CAST: variants seen among roughly 807,000 people sequenced by gnomAD.
CAST encodes calpastatin.
A neutral mutation model predicts 119.6 loss-of-function variants in CAST; 76 were observed. That is an observed-to-expected ratio of 0.64 (90% CI 0.53 to 0.77). CAST has a LOEUF of 0.77. CAST is among the 30% of genes least tolerant of loss of function. CAST has a pLI of 0.00. For missense variants in CAST, 953 were observed against 946.5 expected (o/e 1.01, Z -0.09); for synonymous variants, 319 against 331.6 (o/e 0.96, Z 0.41).
At chr5:96,141,972 G>A in the CAST span, among the ~76,000 whole-genome samples, 1 of 152,196 alleles carries the variant, frequency 6.6e-6, no homozygotes, top group Non-Finnish European at 1.5e-5. Flanking sequence ...GGAGTTAAAT[G>A]TTTGTTATCT....
chr5:96,524,645 G>A (rs1745571097), upstream of CAST, among the ~76,000 whole-genome samples: 1 of 152,120 alleles, frequency 6.6e-6, no homozygotes, highest in Non-Finnish European at 1.5e-5. Flanking sequence ...CAGAGAGCAT[G>A]AGCAAGGGGA....
At chr5:96,194,795 A>G in the CAST span, among the ~76,000 whole-genome samples, 1 of 152,254 alleles carries the variant, frequency 6.6e-6, no homozygotes, top group Non-Finnish European at 1.5e-5. Context: ...ATAATTTGCC[A>G]TATCAGCATT....
the CAST span, among the ~76,000 whole-genome samples, chr5:96,222,748 C>G: frequency 6.6e-6 from 1 of 152,068 alleles, no homozygotes; most frequent in East Asian, 1.9e-4. Context: ...CCAGCAATCC[C>G]TCCCCTCTAA....
chr5:96,285,303 A>G, the CAST span, among the ~76,000 whole-genome samples: 1 of 152,216 alleles, frequency 6.6e-6, no homozygotes, highest in Non-Finnish European at 1.5e-5. Context: ...ACGTGTTGAT[A>G]AGTAGTGTGA....
chr5:96,686,973 C>G (rs1752155858), intron 2 of CAST, among the ~76,000 whole-genome samples: 1 of 152,130 alleles, frequency 6.6e-6, no homozygotes, highest in Non-Finnish European at 1.5e-5. Flanking sequence ...GTACATCATT[C>G]TCAAATATTG....
At chr5:96,023,911 T>C in the CAST span, among the ~76,000 whole-genome samples, 1 of 152,276 alleles carries the variant, frequency 6.6e-6, no homozygotes, top group East Asian at 1.9e-4. Flanking sequence ...CCTTGTCTTT[T>C]CTTAATAAAA....
the CAST span, among the ~76,000 whole-genome samples, chr5:95,983,298 G>T: frequency 6.6e-6 from 1 of 152,218 alleles, no homozygotes; most frequent in Non-Finnish European, 1.5e-5. Context: ...CTGAGTGGTT[G>T]TTGCAAGAGG....
chr5:96,369,563 G>C, the CAST span, among the ~76,000 whole-genome samples: 821 of 152,216 alleles, frequency 5.4e-3, 8 homozygotes, highest in African/African-American at 0.018. Context: ...GAAAGCCAAA[G>C]GTAATTCCTT....
intron 25 of CAST, chr5:96,763,275 G>A (rs778641362): frequency 2.4e-5 from 19 of 780,176 alleles, no homozygotes; most frequent in Middle Eastern, 2.2e-4. Flanking sequence ...ACCTGGCCCC[G>A]GGCAGCTCTA....
chr5:96,368,944 G>T, the CAST span, among the ~76,000 whole-genome samples: 1 of 151,988 alleles, frequency 6.6e-6, no homozygotes, highest in Non-Finnish European at 1.5e-5. Flanking sequence ...TATTGCTGTT[G>T]CATGAAACCT....
intron 12 of CAST, among the ~76,000 whole-genome samples, chr5:96,740,367 T>C (rs1192123509): frequency 1.3e-5 from 2 of 152,176 alleles, no homozygotes; most frequent in Non-Finnish European, 2.9e-5. Context: ...GTGTCAGCAG[T>C]GCTGGTTCCT....
At chr5:96,411,081 T>C in the CAST span, 1 of 898,716 alleles carries the variant, frequency 1.1e-6, no homozygotes, top group South Asian at 1.3e-5. Context: ...TGTGTGAAAT[T>C]CTCAGAGACA....
intron 1 of CAST, among the ~76,000 whole-genome samples, chr5:96,599,311 G>A (rs1056537984): frequency 2.0e-5 from 3 of 152,178 alleles, no homozygotes; most frequent in Admixed American, 1.3e-4. Context: ...CTTATTCACT[G>A]TTGGTCCCCA....
chr5:96,147,840 T>C, the CAST span, among the ~76,000 whole-genome samples: 1 of 152,210 alleles, frequency 6.6e-6, no homozygotes, highest in Non-Finnish European at 1.5e-5. Flanking sequence ...CAGGACATTA[T>C]CAGCACTTTA....
At chr5:96,553,104 C>A (rs553447701) in intron 1 of CAST, among the ~76,000 whole-genome samples, 8 of 151,536 alleles carry the variant, frequency 5.3e-5, no homozygotes, top group East Asian at 1.9e-4. Flanking sequence ...AGAGACACAA[C>A]AAAAAAAAGA....
the CAST span, among the ~76,000 whole-genome samples, chr5:96,234,711 C>T: frequency 6.6e-6 from 1 of 152,044 alleles, no homozygotes; most frequent in Non-Finnish European, 1.5e-5. Flanking sequence ...TCTCTTTTTC[C>T]AGTAAAATAA....
the CAST span, among the ~76,000 whole-genome samples, chr5:96,221,895 G>T: frequency 6.6e-6 from 1 of 152,002 alleles, no homozygotes; most frequent in Non-Finnish European, 1.5e-5. Context: ...GCATCGTATT[G>T]GTATAAAAAT....
chr5:96,745,956 C>T (rs148255866), intron 16 of CAST, among the ~76,000 whole-genome samples: 62 of 152,332 alleles, frequency 4.1e-4, no homozygotes, highest in African/African-American at 1.4e-3. Flanking sequence ...ACTGTGCTTA[C>T]TGTCTTCAAA....
At chr5:95,969,165 G>T in the CAST span, among the ~76,000 whole-genome samples, 1 of 152,230 alleles carries the variant, frequency 6.6e-6, no homozygotes, top group Non-Finnish European at 1.5e-5. Context: ...GATTGTGACA[G>T]ATGGAGCCAA....
Sources: gnomAD v4.1 joint callset for allele counts (sites outside exome capture counted in the v4.1 genomes callset) on GRCh38, gnomAD v4.1.1 for gene constraint, MANE v1.5 for transcripts, NCBI Gene and HGNC (gene_info 2026-07-23, HGNC 2026-07-21) for gene names.